Variants in RPL31 observed in about 807,000 individuals in gnomAD.
RPL31 encodes the protein ribosomal protein L31, also known as large ribosomal subunit protein eL31.
For missense variants in RPL31, 95 were observed against 164.0 expected (o/e 0.58, Z 2.30); for synonymous variants, 51 against 55.0 (o/e 0.93, Z 0.32).
Position 101,006,067 on chromosome 2 carries a change from C to A in RPL31, c.342C>A (p.Phe114Leu), listed in dbSNP as rs779142001. 2 of 1,612,736 alleles carry A rather than the reference C, an allele frequency of 1.2e-6. No homozygotes were observed. The highest frequency in any genetic ancestry group is 2.7e-5 in the African/African-American group (2 of 74,872). The change falls in exon 4 of 5, where the codon TTC (phenylalanine) becomes TTA (leucine). Residue 114 changes from phenylalanine to leucine, a missense_variant. Physicochemically the swap from Phe to Leu is conservative, Grantham distance 22. Transcript: ENST00000264258. Reference protein sequence around the residue: ...TLVTYVPVTTFKNLQTVNVDE... With the variant: ...TLVTYVPVTTLKNLQTVNVDE... ...TTACCTATGTACCTGTTACCACTTT[C>A]AAAAGTAAGTTCTCCATCCCATAAA...
chr2:101,005,686 T>A (rs1299822775), intron 3 of RPL31: 2 of 429,808 alleles, frequency 4.7e-6, no homozygotes, highest in African/African-American at 4.1e-5. Flanking sequence ...ATTTGGACCA[T>A]TTGGACCCAG....
At position 101,006,482 on chromosome 2, in the gene RPL31, G is replaced by T. The variant is rs1398813810; in HGVS notation, c.*101G>T. 1.7e-6 allele frequency: 2 copies of T among 1,158,604 alleles called. No individual in the cohort carries two copies. Among genetic ancestry groups the T allele is most frequent in the Non-Finnish European group, 2.4e-6 (2 of 830,806 alleles). 71.8% of individuals were successfully genotyped at this position (1,158,604 alleles called of 1,614,324 possible). A position where few individuals can be genotyped will look rare whatever the true frequency, so the allele number is the denominator to read the frequency against. ...CTTGTATACCCTATCCTAATTATGG[G>T]ATCATTTGAAGAGCTTTTCCCAAAT... On this transcript the variant is annotated 3_prime_UTR_variant, in exon 5 of 5. Coordinates refer to ENST00000264258, the MANE Select transcript of RPL31 (RefSeq NM_000993.5).
Position 101,006,475 on chromosome 2 carries a change from A to C in RPL31, c.*94A>C. 1 of 1,176,768 alleles carries C rather than the reference A, an allele frequency of 8.5e-7. No homozygotes were observed. Among genetic ancestry groups the C allele is most frequent in the Non-Finnish European group, 1.2e-6 (1 of 840,362 alleles). 72.9% of individuals were successfully genotyped at this position (1,176,768 alleles called of 1,614,324 possible). A position where few individuals can be genotyped will look rare whatever the true frequency, so the allele number is the denominator to read the frequency against. The stretch of plus-strand genomic sequence containing the variant: ...TAATGTACTTGTATACCCTATCCTA[A>C]TTATGGGATCATTTGAAGAGCTTTT... On this transcript the variant is annotated 3_prime_UTR_variant, in exon 5 of 5. Transcript: ENST00000264258.
chr2:101,010,150 AAAC>A (rs1679096235), downstream of RPL31, among the ~76,000 whole-genome samples: 1 of 152,136 alleles, frequency 6.6e-6, no homozygotes, highest in Non-Finnish European at 1.5e-5. Flanking sequence ...TACATTTCCT[AAAC>A]ATTGGGAGGA....
intron 4 of RPL31, among the ~76,000 whole-genome samples, chr2:101,012,627 A>T (rs201673463): frequency 1.3e-5 from 1 of 75,232 alleles, no homozygotes; most frequent in Admixed American, 1.4e-4. Context: ...TGAATATACA[A>T]AAAAAAAAAA....
At chr2:101,012,481 G>C (rs999787551) in intron 4 of RPL31, among the ~76,000 whole-genome samples, 3 of 152,202 alleles carry the variant, frequency 2.0e-5, no homozygotes, top group African/African-American at 7.2e-5. Context: ...GTCCAGGACA[G>C]GCAAATCTAC....
At chr2:101,003,255 C>A (rs1301300531) in intron 2 of RPL31, among the ~76,000 whole-genome samples, 1 of 152,104 alleles carries the variant, frequency 6.6e-6, no homozygotes, top group African/African-American at 2.4e-5. Flanking sequence ...AATGTTTTTT[C>A]CACAAATAAA....
chr2:101,013,710 CT>C (rs1679406397), intron 4 of RPL31, among the ~76,000 whole-genome samples: 1 of 152,214 alleles, frequency 6.6e-6, no homozygotes, highest in East Asian at 1.9e-4. Context: ...ATCTTCCTCA[CT>C]TTCTAAATGG....
At chr2:101,017,186 T>C (rs1195249593) in intron 4 of RPL31, among the ~76,000 whole-genome samples, 1 of 152,056 alleles carries the variant, frequency 6.6e-6, no homozygotes, top group African/African-American at 2.4e-5. Flanking sequence ...AAGGTCTTCA[T>C]GGGCAATAAC....
At chr2:101,012,224 C>T (rs1224407936), downstream of RPL31, among the ~76,000 whole-genome samples, 3 of 152,198 alleles carry the variant, frequency 2.0e-5, no homozygotes, top group Non-Finnish European at 2.9e-5. Flanking sequence ...CCCAAGAGAA[C>T]TGAAAGTGTT....
chr2:101,005,884 A>G, intron 3 of RPL31, 75 bp from the exon 4 acceptor site: 1 of 1,217,134 alleles, frequency 8.2e-7, no homozygotes, highest in East Asian at 2.4e-5. Flanking sequence ...GGCATATGAG[A>G]TATGTGAATA....
At chr2:101,004,082 G>A (rs1211543183) in intron 2 of RPL31, 76 bp from the exon 3 acceptor site, 21 of 1,505,356 alleles carry the variant, frequency 1.4e-5, no homozygotes, top group African/African-American at 2.8e-5. Context: ...GCCTATCATC[G>A]ACATTGAGGA....
Position 101,005,837 on chromosome 2 carries a change from G to A in RPL31, c.234-122G>A, listed in dbSNP as rs1039442943. On this transcript the variant is annotated intron_variant, in intron 3 of 4. Transcript: ENST00000264258. Reference sequence around the variant, plus strand: ...TTTTCCAGGGAACTGTAAGTTCTAGGTTGGTCAGAGTAGAGCAAAGGACAG... The same window carrying A: ...TTTTCCAGGGAACTGTAAGTTCTAGATTGGTCAGAGTAGAGCAAAGGACAG... 1.8e-5 allele frequency: 14 copies of A among 759,508 alleles called. No individual in the cohort carries two copies. The Admixed American group carries it at 3.5e-4, about 19-fold the overall frequency. The allele number at this position is 759,508 out of a possible 1,614,324, so 47.0% of individuals were successfully genotyped here.
At chr2:101,013,649 TAC>T (rs1679402209) in intron 4 of RPL31, among the ~76,000 whole-genome samples, 2 of 152,244 alleles carry the variant, frequency 1.3e-5, no homozygotes, top group African/African-American at 4.8e-5. Context: ...GGACCTTCAT[TAC>T]ACACTGTACA....
At chr2:101,008,163 G>A (rs368814456), downstream of RPL31, 98 of 1,613,616 alleles carry the variant, frequency 6.1e-5, no homozygotes, top group African/African-American at 4.0e-4. Context: ...CCACCTCCCC[G>A]ATCTGCAGCA....
chr2:101,017,721 C>A (rs747848098), intron 4 of RPL31: 1 of 872,734 alleles, frequency 1.1e-6, no homozygotes, highest in Non-Finnish European at 1.8e-6. Context: ...CATGGTACAT[C>A]ACTTTATCAC....
At chr2:101,002,953 T>C (rs1573832803) in intron 2 of RPL31, 145 bp downstream of exon 2, 1 of 653,206 alleles carries the variant, frequency 1.5e-6, no homozygotes, top group East Asian at 2.7e-5. Context: ...TCCTGTGGGC[T>C]CTACCCTCCG....
At chr2:101,010,457 C>T (rs186204522), downstream of RPL31, among the ~76,000 whole-genome samples, 11 of 152,238 alleles carry the variant, frequency 7.2e-5, no homozygotes, top group East Asian at 5.8e-4. Context: ...TGTTTTGAAG[C>T]GATTTGAATA....
chr2:101,009,692 G>A (rs1030990735), downstream of RPL31, among the ~76,000 whole-genome samples: 2 of 151,966 alleles, frequency 1.3e-5, no homozygotes, highest in East Asian at 1.9e-4. Context: ...AACATGCTAC[G>A]AAACACTAAT....
Sources: gnomAD v4.1 joint callset for allele counts (sites outside exome capture counted in the v4.1 genomes callset) on GRCh38, gnomAD v4.1.1 for gene constraint, MANE v1.5 for transcripts, NCBI Gene and HGNC (gene_info 2026-07-23, HGNC 2026-07-21) for gene names.